IMMP2L: variants seen among roughly 807,000 people sequenced by gnomAD.
IMMP2L encodes the protein inner mitochondrial membrane peptidase subunit 2.
In IMMP2L, 18 loss-of-function variants were observed where a neutral mutation model predicts 19.3. The observed-to-expected ratio is 0.93, with a 90% CI of 0.64 to 1.38. The LOEUF (loss-of-function observed/expected upper bound fraction) is 1.38. Among genes scored for constraint, IMMP2L ranks in the 40% most tolerant of loss-of-function variants. The pLI, the probability that IMMP2L is intolerant of heterozygous loss-of-function variation, is 0.00. For missense variants in IMMP2L, 233 were observed against 218.2 expected (o/e 1.07, Z -0.43); for synonymous variants, 76 against 73.0 (o/e 1.04, Z -0.21).
At chr7:111,309,217 T>C (rs535248056) in intron 3 of IMMP2L, among the ~76,000 whole-genome samples, 1 of 152,228 alleles carries the variant, frequency 6.6e-6, no homozygotes, top group African/African-American at 2.4e-5. Flanking sequence ...GCAGTTTTAT[T>C]TGAGTGAGCT....
At chr7:110,980,126 C>T (rs1267638501) in intron 3 of IMMP2L, among the ~76,000 whole-genome samples, 1 of 116,646 alleles carries the variant, frequency 8.6e-6, no homozygotes, top group Non-Finnish European at 2.2e-5. Context: ...ACCTCTAGCA[C>T]TGTCTTCATG....
At chr7:111,348,196 G>T (rs949665893) in intron 3 of IMMP2L, among the ~76,000 whole-genome samples, 1 of 151,002 alleles carries the variant, frequency 6.6e-6, no homozygotes, top group Non-Finnish European at 1.5e-5. Flanking sequence ...TAAATGATGA[G>T]TTGATGGGTG....
At chr7:111,447,183 T>A (rs1201401646) in intron 3 of IMMP2L, among the ~76,000 whole-genome samples, 6 of 147,112 alleles carry the variant, frequency 4.1e-5, no homozygotes, top group Non-Finnish European at 7.5e-5. Flanking sequence ...CAGGCCGACG[T>A]TCAGATTCAG....
At chr7:111,489,169 G>T (rs1490858926) in intron 2 of IMMP2L, among the ~76,000 whole-genome samples, 1 of 148,888 alleles carries the variant, frequency 6.7e-6, no homozygotes, top group South Asian at 2.1e-4. Context: ...TCAGCCTCCC[G>T]AGTAGCTGGG....
intron 3 of IMMP2L, among the ~76,000 whole-genome samples, chr7:111,292,434 C>A (rs1821212938): frequency 6.6e-6 from 1 of 152,030 alleles, no homozygotes; most frequent in Non-Finnish European, 1.5e-5. Flanking sequence ...GCACACATTT[C>A]TACAGAGCTA....
intron 1 of IMMP2L, among the ~76,000 whole-genome samples, chr7:111,536,465 C>T (rs1847895708): frequency 6.6e-6 from 1 of 151,976 alleles, no homozygotes; most frequent in Non-Finnish European, 1.5e-5. Flanking sequence ...ACCACCAGGC[C>T]TGGCTAATTT....
At chr7:111,077,559 C>A (rs935419135) in intron 3 of IMMP2L, among the ~76,000 whole-genome samples, 3 of 152,186 alleles carry the variant, frequency 2.0e-5, no homozygotes, top group Non-Finnish European at 4.4e-5. Flanking sequence ...CTCTCAACAT[C>A]TCTTCAGCTA....
chr7:110,702,634 T>G (rs946701879), intron 5 of IMMP2L, among the ~76,000 whole-genome samples: 2 of 152,308 alleles, frequency 1.3e-5, no homozygotes, highest in South Asian at 2.1e-4. Context: ...TGCACATATT[T>G]TGTTAAATTC....
At chr7:111,255,282 G>T (rs1816582872) in intron 3 of IMMP2L, among the ~76,000 whole-genome samples, 1 of 152,084 alleles carries the variant, frequency 6.6e-6, no homozygotes, top group African/African-American at 2.4e-5. Context: ...TTTCCATGAG[G>T]ATAGAATGCA....
At chr7:110,726,146 C>G (rs1795870636) in intron 5 of IMMP2L, among the ~76,000 whole-genome samples, 2 of 152,128 alleles carry the variant, frequency 1.3e-5, no homozygotes, top group African/African-American at 4.8e-5. Flanking sequence ...GGAAATTCAC[C>G]AAGGAAGACC....
chr7:111,515,355 C>T (rs766315018), intron 2 of IMMP2L, among the ~76,000 whole-genome samples: 11 of 152,128 alleles, frequency 7.2e-5, no homozygotes, highest in African/African-American at 7.2e-5. Flanking sequence ...CTTTAGTCTA[C>T]CCATTTCCTA....
chr7:111,355,633 C>A (rs1363586637), intron 3 of IMMP2L, among the ~76,000 whole-genome samples: 1 of 151,670 alleles, frequency 6.6e-6, no homozygotes, highest in Non-Finnish European at 1.5e-5. Context: ...ATAGAAAAAC[C>A]TTCTGGTCAC....
chr7:111,407,937 T>C (rs1834037621), intron 3 of IMMP2L, among the ~76,000 whole-genome samples: 1 of 152,054 alleles, frequency 6.6e-6, no homozygotes, highest in Non-Finnish European at 1.5e-5. Context: ...TTCTGAGTGC[T>C]TCATTTGTAT....
intron 5 of IMMP2L, among the ~76,000 whole-genome samples, chr7:110,872,056 C>T (rs2129543913): frequency 6.6e-6 from 1 of 152,270 alleles, no homozygotes; most frequent in South Asian, 2.1e-4. Flanking sequence ...CACCAATCTC[C>T]TGTTTGTTAA....
intron 3 of IMMP2L, among the ~76,000 whole-genome samples, chr7:111,147,619 T>G (rs1169023963): frequency 2.0e-5 from 3 of 152,096 alleles, no homozygotes; most frequent in Non-Finnish European, 4.4e-5. Context: ...AGATTCAGAC[T>G]CCTTAGGCTG....
At chr7:111,155,151 T>C (rs939103869) in intron 3 of IMMP2L, among the ~76,000 whole-genome samples, 5 of 152,156 alleles carry the variant, frequency 3.3e-5, no homozygotes, top group Non-Finnish European at 2.9e-5. Flanking sequence ...TCAAGATGAA[T>C]ATGGCTTTTC....
intron 3 of IMMP2L, among the ~76,000 whole-genome samples, chr7:111,212,768 G>A (rs999762779): frequency 3.3e-5 from 5 of 152,212 alleles, no homozygotes; most frequent in Admixed American, 3.3e-4. Flanking sequence ...TGAAAAAGAA[G>A]AGCAATTCTA....
At chr7:111,511,435 A>T (rs549953293) in intron 2 of IMMP2L, among the ~76,000 whole-genome samples, 8 of 152,134 alleles carry the variant, frequency 5.3e-5, no homozygotes, top group Admixed American at 4.6e-4. Context: ...GCTTGAGCTC[A>T]GGAGTTTGAG....
chr7:111,363,248 G>T (rs1435220386), intron 3 of IMMP2L, among the ~76,000 whole-genome samples: 2 of 151,960 alleles, frequency 1.3e-5, no homozygotes, highest in Non-Finnish European at 2.9e-5. Context: ...TGGACTTCAG[G>T]ACAAGAGCAT....
Sources: allele counts gnomAD v4.1 joint callset (sites outside exome capture counted in the v4.1 genomes callset), GRCh38; gene constraint gnomAD v4.1.1; transcripts MANE v1.5; gene names NCBI Gene and HGNC (gene_info 2026-07-23, HGNC 2026-07-21).